The following POFUT3 variants were observed in gnomAD, a reference collection of about 807,000 sequenced individuals.
POFUT3 encodes the protein protein O-fucosyltransferase 3.
the POFUT3 span, among the ~76,000 whole-genome samples, chr8:33,348,866 A>C: frequency 6.6e-6 from 1 of 152,348 alleles, no homozygotes; most frequent in South Asian, 2.1e-4. Flanking sequence ...GACAAGGGCT[A>C]TATCAGAAAG....
At chr8:33,326,291 C>A in the POFUT3 span, among the ~76,000 whole-genome samples, 1 of 152,118 alleles carries the variant, frequency 6.6e-6, no homozygotes, top group Non-Finnish European at 1.5e-5. Context: ...CACTCCTACA[C>A]TGGGGCTCCA....
At chr8:33,411,795 A>T in the POFUT3 span, among the ~76,000 whole-genome samples, 1 of 152,206 alleles carries the variant, frequency 6.6e-6, no homozygotes, top group African/African-American at 2.4e-5. Context: ...TCTCAAAAAA[A>T]AATAAAAATA....
the POFUT3 span, among the ~76,000 whole-genome samples, chr8:33,400,116 T>G: frequency 6.7e-6 from 1 of 149,992 alleles, no homozygotes; most frequent in African/African-American, 2.5e-5. Flanking sequence ...TAAAGTTCCC[T>G]TTGTTAAGTT....
At chr8:33,393,516 T>C in the POFUT3 span, among the ~76,000 whole-genome samples, 1 of 152,100 alleles carries the variant, frequency 6.6e-6, no homozygotes, top group African/African-American at 2.4e-5. Flanking sequence ...AGCCTGAGAG[T>C]GACATACTTT....
the POFUT3 span, among the ~76,000 whole-genome samples, chr8:33,326,202 T>A: frequency 1.3e-5 from 2 of 152,090 alleles, no homozygotes; most frequent in African/African-American, 4.8e-5. Flanking sequence ...AATCTCCAGA[T>A]CCAAATTCTC....
At chr8:33,449,790 T>C in the POFUT3 span, among the ~76,000 whole-genome samples, 1 of 152,050 alleles carries the variant, frequency 6.6e-6, no homozygotes, top group African/African-American at 2.4e-5. Flanking sequence ...ATATTACTTG[T>C]AATTGTTTTC....
the POFUT3 span, among the ~76,000 whole-genome samples, chr8:33,450,439 G>A: frequency 1.3e-5 from 2 of 152,196 alleles, no homozygotes; most frequent in African/African-American, 4.8e-5. Flanking sequence ...TAAATGGAAG[G>A]TATTCAGTAG....
chr8:33,442,804 G>A, the POFUT3 span, among the ~76,000 whole-genome samples: 6 of 152,090 alleles, frequency 3.9e-5, no homozygotes, highest in Non-Finnish European at 8.8e-5. Flanking sequence ...TTCCTTCCAT[G>A]AAAAGATGAC....
chr8:33,366,137 C>T, the POFUT3 span, among the ~76,000 whole-genome samples: 1 of 152,170 alleles, frequency 6.6e-6, no homozygotes, highest in Non-Finnish European at 1.5e-5. Flanking sequence ...AACCATCGTT[C>T]TCAGCAAACT....
the POFUT3 span, among the ~76,000 whole-genome samples, chr8:33,366,769 A>T: frequency 6.6e-6 from 1 of 152,244 alleles, no homozygotes; most frequent in African/African-American, 2.4e-5. Context: ...AAAATTGTTG[A>T]CAAAAACACA....
chr8:33,442,845 CT>C, the POFUT3 span, among the ~76,000 whole-genome samples: 1 of 152,126 alleles, frequency 6.6e-6, no homozygotes. Context: ...ATCTTTCCAG[CT>C]AAAAATGTAA....
the POFUT3 span, among the ~76,000 whole-genome samples, chr8:33,463,914 A>G: frequency 6.6e-6 from 1 of 152,064 alleles, no homozygotes; most frequent in Non-Finnish European, 1.5e-5. Context: ...GGACTCAGAA[A>G]TCACCAAAAG....
At chr8:33,345,199 G>A in the POFUT3 span, among the ~76,000 whole-genome samples, 1 of 152,060 alleles carries the variant, frequency 6.6e-6, no homozygotes, top group African/African-American at 2.4e-5. Context: ...ATTAAAAAAT[G>A]TATGCAGAGT....
the POFUT3 span, among the ~76,000 whole-genome samples, chr8:33,325,481 C>T: frequency 6.6e-6 from 1 of 152,138 alleles, no homozygotes; most frequent in East Asian, 1.9e-4. Flanking sequence ...CTATCACCAC[C>T]ATGATACGTT....
the POFUT3 span, among the ~76,000 whole-genome samples, chr8:33,347,639 T>C: frequency 6.6e-6 from 1 of 152,204 alleles, no homozygotes; most frequent in Non-Finnish European, 1.5e-5. Context: ...AAGTCATAAA[T>C]TCATTCATTG....
At chr8:33,405,951 G>C in the POFUT3 span, among the ~76,000 whole-genome samples, 1 of 152,074 alleles carries the variant, frequency 6.6e-6, no homozygotes, top group Non-Finnish European at 1.5e-5. Flanking sequence ...AACTTGGAGG[G>C]AAAACTGGTA....
chr8:33,319,691 ATATATATATTT>A, the POFUT3 span, among the ~76,000 whole-genome samples: 4 of 38,702 alleles, frequency 1.0e-4, 2 homozygotes, highest in African/African-American at 2.2e-4. Context: ...TATTATATAA[ATATATATATTT>A]TATATATATT....
the POFUT3 span, among the ~76,000 whole-genome samples, chr8:33,432,751 C>T: frequency 3.1e-4 from 47 of 152,128 alleles, no homozygotes; most frequent in African/African-American, 1.1e-3. Context: ...AAATGTGCAA[C>T]CAAATAGAAA....
the POFUT3 span, among the ~76,000 whole-genome samples, chr8:33,438,922 T>A: frequency 6.6e-6 from 1 of 150,798 alleles, no homozygotes; most frequent in African/African-American, 2.5e-5. Context: ...CCACTGGGTC[T>A]TTTCCACAAC....
Sources: gnomAD v4.1 joint callset for allele counts (sites outside exome capture counted in the v4.1 genomes callset) on GRCh38, gnomAD v4.1.1 for gene constraint, MANE v1.5 for transcripts, NCBI Gene and HGNC (gene_info 2026-07-23, HGNC 2026-07-21) for gene names.